ESR1: variants seen among roughly 807,000 people sequenced by gnomAD.
ESR1 encodes estrogen receptor 1, also known as estrogen receptor.
In ESR1, 12 loss-of-function variants were observed where a neutral mutation model predicts 52.7. That is an observed-to-expected ratio of 0.23 (90% CI 0.15 to 0.37). The LOEUF is 0.37. Among genes scored for constraint, ESR1 ranks in the 10% least tolerant of loss-of-function variants. The pLI is 1.00. For synonymous variants in ESR1, 305 were observed against 316.8 expected (o/e 0.96, Z 0.39); for missense variants, 584 against 779.7 (o/e 0.75, Z 2.99).
intron 4 of ESR1, among the ~76,000 whole-genome samples, chr6:151,996,492 G>A (rs777824541): frequency 6.6e-6 from 1 of 151,946 alleles, no homozygotes; most frequent in Non-Finnish European, 1.5e-5. Context: ...CTCTGCCTTC[G>A]TGGACTCCCC....
intron 1 of ESR1, among the ~76,000 whole-genome samples, chr6:151,820,682 C>T (rs1025500511): frequency 1.3e-5 from 2 of 152,152 alleles, no homozygotes; most frequent in Non-Finnish European, 2.9e-5. Flanking sequence ...ACTTCCTTGT[C>T]TTTATTTTAG....
intron 2 of ESR1, among the ~76,000 whole-genome samples, chr6:151,746,679 T>C (rs1783506676): frequency 6.6e-6 from 1 of 152,198 alleles, no homozygotes; most frequent in Non-Finnish European, 1.5e-5. Context: ...ACAATATGAA[T>C]TTGATTTAAC....
At chr6:151,922,744 G>A (rs1387489736) in intron 3 of ESR1, among the ~76,000 whole-genome samples, 2 of 152,164 alleles carry the variant, frequency 1.3e-5, no homozygotes, top group Non-Finnish European at 2.9e-5. Flanking sequence ...TGGGCTGTTG[G>A]TGTACTTGTT....
chr6:152,099,186 G>C lies in ESR1; in HGVS notation c.*220G>C, dbSNP rs2050870499. ...AAAGGGATTCCAAGGCTAAATCTTT[G>C]TAACAGCTCTCTTTCCCCCTTGCTA... On this transcript the variant is annotated 3_prime_UTR_variant, in exon 8 of 8. Transcript: ENST00000206249. The C allele has an allele frequency of 1.7e-6, 1 of 590,926 alleles. No individual in the cohort carries two copies. The highest frequency in any genetic ancestry group is 1.8e-5 in the African/African-American group (1 of 54,130). The allele number at this position is 590,926 out of a possible 1,614,324, so 36.6% of individuals were successfully genotyped here.
chr6:151,791,863 A>T (rs1776190319), intron 2 of ESR1, among the ~76,000 whole-genome samples: 2 of 152,260 alleles, frequency 1.3e-5, no homozygotes, highest in African/African-American at 4.8e-5. Flanking sequence ...TTATCTACAC[A>T]AAGTTAGACA....
intron 2 of ESR1, among the ~76,000 whole-genome samples, chr6:151,756,744 C>T (rs1056882862): frequency 6.6e-6 from 1 of 152,174 alleles, no homozygotes; most frequent in Admixed American, 6.5e-5. Context: ...AATCCCAGCA[C>T]TTTGGGAGGC....
At chr6:151,788,490 A>T in intron 2 of ESR1, among the ~76,000 whole-genome samples, 1 of 91,294 alleles carries the variant, frequency 1.1e-5, no homozygotes, top group South Asian at 3.4e-4. Context: ...GGGAACACTT[A>T]TATAATGTTG....
intron 6 of ESR1, among the ~76,000 whole-genome samples, chr6:152,093,047 G>A (rs1037852423): frequency 6.6e-6 from 1 of 152,128 alleles, no homozygotes; most frequent in African/African-American, 2.4e-5. Context: ...GGGAGGCCGA[G>A]GCAGGTGGGT....
rs1218380679 is a variant in ESR1 at position 151,677,841 on chromosome 6, T to C, written n.73+21078T>C. 2.6e-5 allele frequency among the ~76,000 whole-genome samples: 4 copies of C among 152,214 alleles called. No individual in the cohort carries two copies. In the East Asian group the frequency reaches 5.8e-4, roughly 22 times the overall value. On this transcript the variant is annotated intron_variant and non_coding_transcript_variant, in intron 1 of 2. Transcript: ENST00000473497. ...GAGGGTTTGGTATAAATTTGGAAGA[T>C]TGTATTGTTTCAGATTTATTTTCTC...
chr6:151,743,569 A>G (rs977533919), intron 2 of ESR1, among the ~76,000 whole-genome samples: 21 of 152,234 alleles, frequency 1.4e-4, no homozygotes, highest in African/African-American at 5.1e-4. Flanking sequence ...CAAGCATCAC[A>G]TTTTATTTTC....
chr6:152,123,005 A>T (rs938801136), intron 6 of ESR1, among the ~76,000 whole-genome samples: 1 of 152,266 alleles, frequency 6.6e-6, no homozygotes, highest in Non-Finnish European at 1.5e-5. Flanking sequence ...AGCATGAATT[A>T]AGTAGATCCA....
At position 151,899,449 on chromosome 6, in the gene ESR1, C is replaced by T. The variant is rs535638074; in HGVS notation, c.760+18678C>T. Among the ~76,000 whole-genome samples the T allele has an allele frequency of 2.9e-4, 42 of 143,828 alleles. No individual in the cohort carries two copies. In the East Asian group the frequency reaches 7.4e-3, roughly 25 times the overall value. The allele number at this position is 143,828 out of a possible 152,430, so 94.4% of individuals were successfully genotyped here. A position where few individuals can be genotyped will look rare whatever the true frequency, so the allele number is the denominator to read the frequency against. On this transcript the variant is annotated intron_variant, in intron 3 of 7. Transcript: ENST00000206249. ...CTGGGCAGAGGCGCCCCTCACCTCC[C>T]GGACTGGGCAGCTGGCCAGGCGGGG...
At chr6:151,878,796 G>A (rs9340835) in intron 2 of ESR1, among the ~76,000 whole-genome samples, 48,204 of 151,954 alleles carry the variant, frequency 0.32, 7,644 homozygotes, top group Middle Eastern at 0.35. Context: ...GACTTATGCA[G>A]ACAGACTTTA....
chr6:151,726,526 C>T (rs1781857270), intron 2 of ESR1, among the ~76,000 whole-genome samples: 1 of 151,972 alleles, frequency 6.6e-6, no homozygotes, highest in Admixed American at 6.6e-5. Flanking sequence ...TTAGTAGAGA[C>T]GGGGTTTCAC....
At chr6:151,771,285 T>C (rs890762412) in intron 2 of ESR1, among the ~76,000 whole-genome samples, 2 of 152,192 alleles carry the variant, frequency 1.3e-5, no homozygotes, top group South Asian at 2.1e-4. Context: ...ATTCATGTAA[T>C]TGAAAGCGTT....
intron 2 of ESR1, among the ~76,000 whole-genome samples, chr6:151,754,921 C>A (rs1002259727): frequency 1.3e-5 from 2 of 152,108 alleles, no homozygotes; most frequent in Non-Finnish European, 2.9e-5. Flanking sequence ...TGTCTAAAAC[C>A]AAATTCTGGG....
At chr6:152,042,555 C>T (rs2045895169) in intron 5 of ESR1, among the ~76,000 whole-genome samples, 1 of 152,170 alleles carries the variant, frequency 6.6e-6, no homozygotes, top group African/African-American at 2.4e-5. Flanking sequence ...AAATTGTCAG[C>T]AATGTAGTGG....
At chr6:151,721,494 G>T (rs1271605865) in intron 2 of ESR1, among the ~76,000 whole-genome samples, 3 of 152,094 alleles carry the variant, frequency 2.0e-5, no homozygotes, top group African/African-American at 7.2e-5. Flanking sequence ...AAGAGGATAG[G>T]GCCATGTAAG....
At chr6:151,941,671 T>C (rs751740769) in intron 3 of ESR1, among the ~76,000 whole-genome samples, 1 of 152,118 alleles carries the variant, frequency 6.6e-6, no homozygotes, top group Non-Finnish European at 1.5e-5. Flanking sequence ...CCTTTGGGAA[T>C]ACCCCCTTGA....
Sources: allele counts gnomAD v4.1 joint callset (sites outside exome capture counted in the v4.1 genomes callset), GRCh38; gene constraint gnomAD v4.1.1; transcripts MANE v1.5; gene names NCBI Gene and HGNC (gene_info 2026-07-23, HGNC 2026-07-21).